SOX6: variants seen among roughly 807,000 people sequenced by gnomAD.
SOX6 encodes transcription factor SOX-6.
In SOX6, 11 loss-of-function variants were observed where a neutral mutation model predicts 97.8. That is an observed-to-expected ratio of 0.11 (90% CI 0.07 to 0.19). The LOEUF (loss-of-function observed/expected upper bound fraction) is 0.19, where lower values mean the gene tolerates loss of function less well. Among genes scored for constraint, SOX6 ranks in the 10% least tolerant of loss-of-function variants. The probability of loss-of-function intolerance (pLI) is 1.00; values close to 1 mark genes in which losing one functional copy is unlikely to be tolerated. For missense variants in SOX6, 810 were observed against 1,039.5 expected (o/e 0.78, Z 3.04); for synonymous variants, 360 against 371.4 (o/e 0.97, Z 0.35).
At chr11:16,551,740 A>C (rs1293931861) in intron 4 of SOX6, among the ~76,000 whole-genome samples, 2 of 152,012 alleles carry the variant, frequency 1.3e-5, no homozygotes, top group African/African-American at 2.4e-5. Flanking sequence ...AGTAGCTGGG[A>C]TTATAAGCAT....
At chr11:16,449,277 CTTTTTTTTTTTTTTTTTTTTTTT>C (rs10611823) in intron 1 of SOX6, among the ~76,000 whole-genome samples, 1 of 62,906 alleles carries the variant, frequency 1.6e-5, no homozygotes, top group East Asian at 4.5e-4. Flanking sequence ...AATGCTCCTT[CTTTTTTTTTTTTTTTTTTTTTTT>C]TTTTTTTTTT....
intron 6 of SOX6, among the ~76,000 whole-genome samples, chr11:16,135,080 A>G (rs145483090): frequency 4.6e-5 from 7 of 152,338 alleles, no homozygotes; most frequent in African/African-American, 1.7e-4. Flanking sequence ...AAGTGGAAGA[A>G]CAAAGCCTGG....
intron 15 of SOX6, among the ~76,000 whole-genome samples, chr11:15,977,334 T>C (rs1342170073): frequency 6.6e-6 from 1 of 152,066 alleles, no homozygotes; most frequent in African/African-American, 2.4e-5. Flanking sequence ...GACCTTGTCA[T>C]TTTCATCTGT....
At chr11:16,350,974 C>T (rs549069551) in intron 1 of SOX6, among the ~76,000 whole-genome samples, 23 of 152,138 alleles carry the variant, frequency 1.5e-4, no homozygotes, top group African/African-American at 5.3e-4. Flanking sequence ...AATACCACTC[C>T]ATGTTAATAC....
intron 6 of SOX6, among the ~76,000 whole-genome samples, chr11:16,113,343 T>TG (rs756845930): frequency 2.6e-5 from 4 of 152,228 alleles, no homozygotes; most frequent in Non-Finnish European, 4.4e-5. Flanking sequence ...ACCTTGCCAG[T>TG]GGGGCATGAA....
chr11:16,357,372 C>T (rs183964514), upstream of SOX6, among the ~76,000 whole-genome samples: 21 of 152,146 alleles, frequency 1.4e-4, no homozygotes, highest in East Asian at 1.2e-3. Flanking sequence ...GATTTCTGTG[C>T]GGGAGAATTA....
chr11:16,501,993 C>T (rs1414327295), intron 4 of SOX6, among the ~76,000 whole-genome samples: 1 of 152,158 alleles, frequency 6.6e-6, no homozygotes, highest in African/African-American at 2.4e-5. Context: ...AAACATGCTG[C>T]TATAAAGACA....
intron 4 of SOX6, among the ~76,000 whole-genome samples, chr11:16,546,872 G>A (rs1189193863): frequency 6.6e-6 from 1 of 152,100 alleles, no homozygotes; most frequent in Non-Finnish European, 1.5e-5. Context: ...TCTGACAAGA[G>A]ACTAACATCC....
intron 13 of SOX6, among the ~76,000 whole-genome samples, chr11:16,002,033 C>G (rs951468455): frequency 4.6e-5 from 7 of 152,122 alleles, no homozygotes; most frequent in African/African-American, 1.7e-4. Flanking sequence ...TCAATCCCTC[C>G]CCTTTCTATT....
intron 1 of SOX6, among the ~76,000 whole-genome samples, chr11:16,437,438 C>T (rs189849575): frequency 6.6e-4 from 100 of 152,270 alleles, no homozygotes; most frequent in African/African-American, 2.3e-3. Flanking sequence ...GTTTTATATA[C>T]CTTGTAGTAC....
intron 6 of SOX6, among the ~76,000 whole-genome samples, chr11:16,123,810 T>C (rs1472754810): frequency 1.3e-5 from 2 of 152,078 alleles, no homozygotes; most frequent in East Asian, 3.9e-4. Flanking sequence ...TTTAGTGCCA[T>C]TTTCATAATA....
intron 9 of SOX6, among the ~76,000 whole-genome samples, chr11:16,087,669 A>C (rs1848606613): frequency 6.6e-6 from 1 of 152,088 alleles, no homozygotes; most frequent in Non-Finnish European, 1.5e-5. Flanking sequence ...AATTTTAAAA[A>C]ATTTTCCCAC....
At chr11:16,477,363 C>T (rs1433927236), upstream of SOX6, among the ~76,000 whole-genome samples, 4 of 152,132 alleles carry the variant, frequency 2.6e-5, no homozygotes, top group Non-Finnish European at 5.9e-5. Context: ...AACAATGGAT[C>T]TTGATCAACA....
At chr11:16,397,534 A>G (rs1443430020) in intron 1 of SOX6, 1 of 152,002 alleles carries the variant, frequency 6.6e-6, no homozygotes, top group East Asian at 1.9e-4. Context: ...AAGTAAAAGC[A>G]TATTTCTTCT....
At chr11:16,407,728 G>A (rs917782105) in intron 1 of SOX6, among the ~76,000 whole-genome samples, 1 of 152,036 alleles carries the variant, frequency 6.6e-6, no homozygotes, top group African/African-American at 2.4e-5. Flanking sequence ...CTTCATTTGA[G>A]CCAGCCCTGA....
At chr11:16,223,997 T>C (rs1852616241) in intron 4 of SOX6, among the ~76,000 whole-genome samples, 1 of 152,058 alleles carries the variant, frequency 6.6e-6, no homozygotes, top group Middle Eastern at 3.2e-3. Flanking sequence ...TAAGAATACT[T>C]TGGATCATTT....
chr11:16,003,395 C>T (rs140538784), intron 13 of SOX6, among the ~76,000 whole-genome samples: 1 of 152,146 alleles, frequency 6.6e-6, no homozygotes, highest in East Asian at 1.9e-4. Context: ...TACCTGGTTG[C>T]CAGGTTAGAA....
At chr11:16,568,501 C>G (rs887928406) in intron 4 of SOX6, among the ~76,000 whole-genome samples, 1 of 152,038 alleles carries the variant, frequency 6.6e-6, no homozygotes, top group Non-Finnish European at 1.5e-5. Context: ...TGTTTTGGAA[C>G]AAGATAGGTG....
chr11:16,690,507 A>G (rs2134035511), intron 3 of SOX6, among the ~76,000 whole-genome samples: 1 of 152,368 alleles, frequency 6.6e-6, no homozygotes, highest in African/African-American at 2.4e-5. Context: ...TCTAGTTTTA[A>G]TAGTATAAGG....
Sources: gnomAD v4.1 joint callset for allele counts (sites outside exome capture counted in the v4.1 genomes callset) on GRCh38, gnomAD v4.1.1 for gene constraint, MANE v1.5 for transcripts, NCBI Gene and HGNC (gene_info 2026-07-23, HGNC 2026-07-21) for gene names.